The following CARS1 variants were observed in gnomAD, a reference collection of about 807,000 sequenced individuals.
The protein encoded by CARS1 is cysteinyl-tRNA synthetase 1, also known as cysteine--tRNA ligase, cytoplasmic.
A neutral mutation model predicts 106.2 loss-of-function variants in CARS1; 48 were observed. The observed-to-expected ratio is 0.45, with a 90% CI of 0.36 to 0.57. The LOEUF (loss-of-function observed/expected upper bound fraction) is 0.57, where lower values mean the gene tolerates loss of function less well. Among genes scored for constraint, CARS1 ranks in the 20% least tolerant of loss-of-function variants. CARS1 has a pLI of 0.00. For synonymous variants in CARS1, 409 were observed against 403.4 expected (o/e 1.01, Z -0.17); for missense variants, 968 against 1,057.2 (o/e 0.92, Z 1.17).
chr11:3,042,733 T>C (rs1854645337), intron 2 of CARS1, among the ~76,000 whole-genome samples: 2 of 152,328 alleles, frequency 1.3e-5, no homozygotes, highest in Non-Finnish European at 2.9e-5. Context: ...TGGTCTGTTC[T>C]GCCGCAGCCC....
At chr11:3,047,004 G>A (rs1195720579) in intron 2 of CARS1, among the ~76,000 whole-genome samples, 2 of 152,154 alleles carry the variant, frequency 1.3e-5, no homozygotes, top group African/African-American at 4.8e-5. Flanking sequence ...CCGGCCGGGC[G>A]CGGTGGTTCA....
At chr11:3,023,006 C>T (rs1851718854) in intron 10 of CARS1, among the ~76,000 whole-genome samples, 1 of 152,156 alleles carries the variant, frequency 6.6e-6, no homozygotes, top group African/African-American at 2.4e-5. Flanking sequence ...AATCCATGTC[C>T]CTCTTTGGTC....
intron 7 of CARS1, among the ~76,000 whole-genome samples, chr11:3,032,060 C>CTCCTTCCTTCCT (rs1217924867): frequency 3.6e-3 from 72 of 20,052 alleles, no homozygotes; most frequent in Non-Finnish European, 5.0e-3. Flanking sequence ...CCCTCCCTCC[C>CTCCTTCCTTCCT]TCCTTCCTTC....
chr11:3,038,046 T>C lies in CARS1; in HGVS notation c.801+4A>G. 6.2e-7 allele frequency: 1 copy of C among 1,609,950 alleles called. No homozygotes were observed. The highest frequency in any genetic ancestry group is 8.5e-7 in the Non-Finnish European group (1 of 1,176,696). On this transcript the variant is annotated splice_donor_region_variant and intron_variant, in intron 7 of 22. Coordinates refer to ENST00000380525, the MANE Select transcript of CARS1 (RefSeq NM_001014437.3). This position sits in a 1 kb window ranked among gnomAD's most constrained non-coding sequence, Gnocchi z 4.0. ...GGCTGTCTGGGAGATGTGTGAAGCCTCACCTCCACACAGCTGTTGACTTCC... is the reference window on the plus strand; with the variant it reads ...GGCTGTCTGGGAGATGTGTGAAGCCCCACCTCCACACAGCTGTTGACTTCC...
At chr11:3,015,223 C>T (rs1392408813) in intron 17 of CARS1, among the ~76,000 whole-genome samples, 1 of 152,346 alleles carries the variant, frequency 6.6e-6, no homozygotes, top group Middle Eastern at 3.4e-3. Context: ...AGGATGACCT[C>T]CCCCTGACCT....
rs1852596031 is a variant in CARS1 at position 3,030,325 on chromosome 11, C to G, written c.802-882G>C. 1.3e-5 allele frequency: 2 copies of G among 152,274 alleles called. No homozygotes were observed. The highest frequency in any genetic ancestry group is 2.9e-5 in the Non-Finnish European group (2 of 68,084). 9.4% of individuals were successfully genotyped at this position (152,274 alleles called of 1,614,324 possible). A position where few individuals can be genotyped will look rare whatever the true frequency, so the allele number is the denominator to read the frequency against. ...ACGTGGGCCAGGTTCCTGATGCAAT[C>G]CCTGCCTACAGCTCCTGAATCAAAC... On this transcript the variant is annotated intron_variant, in intron 7 of 22. Transcript: ENST00000380525. The surrounding 1 kb of genome is among the most constrained non-coding windows in gnomAD (Gnocchi z 5.7).
chr11:3,040,680 A>T lies in CARS1; in HGVS notation c.455+216T>A. The stretch of plus-strand genomic sequence containing the variant: ...GGCTATGGACATTTTCTTTTTGGTG[A>T]TCTGTAGTCTTTCTGCAGTGAATAT... On this transcript the variant is annotated intron_variant, in intron 4 of 22. Transcript: ENST00000380525. This position sits in a 1 kb window ranked among gnomAD's most constrained non-coding sequence, Gnocchi z 5.8. 1.4e-6 allele frequency: 1 copy of T among 694,944 alleles called. No homozygotes were observed. The highest frequency in any genetic ancestry group is 2.6e-6 in the Non-Finnish European group (1 of 383,944). 43.0% of individuals were successfully genotyped at this position (694,944 alleles called of 1,614,324 possible).
chr11:3,026,864 A>G, intron 9 of CARS1, 67 bp from the exon 10 acceptor site: 2 of 1,556,488 alleles, frequency 1.3e-6, no homozygotes, highest in East Asian at 2.3e-5. Context: ...GCAGGATGAC[A>G]GTAACAAAAT....
Position 3,026,709 on chromosome 11 carries a change from C to A in CARS1, c.1120G>T (p.Val374Phe), listed in dbSNP as rs563288369. The A allele has an allele frequency of 1.2e-6, 2 of 1,613,992 alleles. No homozygotes were observed. The highest frequency in any genetic ancestry group is 2.2e-5 in the East Asian group (1 of 44,878). ...HSYGKLVPEAVGDQKALQEGE... is the reference protein window; with the variant it reads ...HSYGKLVPEAFGDQKALQEGE... ...TCTTGAAGGGCTTTCTGATCTCCAA[C>A]GGCCTCAGGCACCAGCTTCCCATAG... is the stretch of plus-strand genomic sequence containing the variant. Residue 374 changes from valine to phenylalanine, a missense_variant, in exon 10 of 23, where the codon GTT (valine) becomes TTT (phenylalanine). Transcript: ENST00000380525.
chr11:3,012,797 C>T (rs1850607791), intron 17 of CARS1, among the ~76,000 whole-genome samples: 1 of 151,926 alleles, frequency 6.6e-6, no homozygotes, highest in East Asian at 1.9e-4. Flanking sequence ...TATCTACATG[C>T]ACATTAGCAG....
In CARS1 at chr11:3,017,794, A is replaced by G; in HGVS notation, c.1727+63T>C. 1 of 1,081,718 alleles carries G rather than the reference A, an allele frequency of 9.2e-7. No individual in the cohort carries two copies. The highest frequency in any genetic ancestry group is 1.4e-6 in the Non-Finnish European group (1 of 698,592). 67.0% of individuals were successfully genotyped at this position (1,081,718 alleles called of 1,614,324 possible). A position where few individuals can be genotyped will look rare whatever the true frequency, so the allele number is the denominator to read the frequency against. ...CAGTCCAGGACACATGGTGGCCAAG[A>G]TGCGAGGCTAGGCATAGAACATGGG... On this transcript the variant is annotated intron_variant, in intron 15 of 22. Transcript: ENST00000380525. This position sits in a 1 kb window ranked among gnomAD's most constrained non-coding sequence, Gnocchi z 4.9.
At position 3,039,560 on chromosome 11, in the gene CARS1, C is replaced by T. The variant is rs982923290; in HGVS notation, c.553-268G>A. On this transcript the variant is annotated intron_variant, in intron 5 of 22. Transcript: ENST00000380525. The surrounding 1 kb of genome is among the most constrained non-coding windows in gnomAD (Gnocchi z 5.6). ...CCAGCTTCCCCTGCAAGCCACATGT[C>T]GAAGTGCGTGCTGTGGGAGGCCTTC... Among the ~76,000 whole-genome samples the T allele has an allele frequency of 9.9e-5, 15 of 152,220 alleles. No individual in the cohort carries two copies. The highest frequency in any genetic ancestry group is 3.3e-4 in the Admixed American group (5 of 15,286).
At position 3,052,071 on chromosome 11, in the gene CARS1, T is replaced by G. The variant is rs1484688677; in HGVS notation, c.26-4070A>C. On this transcript the variant is annotated intron_variant, in intron 1 of 22. Coordinates refer to ENST00000380525, the MANE Select transcript of CARS1 (RefSeq NM_001014437.3). The surrounding 1 kb of genome is among the most constrained non-coding windows in gnomAD (Gnocchi z 4.6). ...CCCTCTTTTTCTTCATTGCTCACAT[T>G]TTCTGCAGTAAGCATCTGCTATTTT... Among the ~76,000 whole-genome samples the G allele has an allele frequency of 6.6e-6, 1 of 152,254 alleles. No homozygotes were observed. Among genetic ancestry groups the G allele is most frequent in the Non-Finnish European group, 1.5e-5 (1 of 68,042 alleles).
chr11:3,049,969 C>T (rs1229848509), intron 1 of CARS1, among the ~76,000 whole-genome samples: 3 of 152,132 alleles, frequency 2.0e-5, no homozygotes, highest in African/African-American at 7.2e-5. Context: ...CTTCCCGGAA[C>T]GCTGTGGTGT....
At position 3,026,788 on chromosome 11, in the gene CARS1, G is replaced by C; in HGVS notation, c.1041C>G (p.Ser347=). Residue 347 remains serine (S), a synonymous_variant, in exon 10 of 23, where the codon TCC becomes TCG. Coordinates refer to ENST00000380525, the MANE Select transcript of CARS1 (RefSeq NM_001014437.3). ...CTGTATCAAAGTAGACAGACCCATT[G>C]GAGACATAGCTGGAAAACAGAAAAG... The part of the protein sequence containing the change: ...KIVDNGYGYV[S]NGSVYFDTAK... 1 of 1,611,444 alleles carries C rather than the reference G, an allele frequency of 6.2e-7. No homozygotes were observed. The highest frequency in any genetic ancestry group is 8.5e-7 in the Non-Finnish European group (1 of 1,178,702).
intron 12 of CARS1, 80 bp from the exon 13 acceptor site, chr11:3,018,829 T>C (rs915754477): frequency 2.4e-5 from 37 of 1,528,338 alleles, no homozygotes; most frequent in African/African-American, 4.1e-5. Flanking sequence ...TCTGCTGCCT[T>C]GTTGGTGCTG....
rs1175006885 is a variant in CARS1 at position 3,020,723 on chromosome 11, G to A, written c.1154-391C>T. On this transcript the variant is annotated intron_variant, in intron 10 of 22. Transcript: ENST00000380525. This position sits in a 1 kb window ranked among gnomAD's most constrained non-coding sequence, Gnocchi z 4.6. Reference sequence around the variant, plus strand: ...GTGCAGCCACTGGGGCATGGCTCAGGGATCCTGCCTGGTTCATGCGGGTGG... The same window carrying A: ...GTGCAGCCACTGGGGCATGGCTCAGAGATCCTGCCTGGTTCATGCGGGTGG... 2.6e-5 allele frequency among the ~76,000 whole-genome samples: 4 copies of A among 152,170 alleles called. No individual in the cohort carries two copies. The highest frequency in any genetic ancestry group is 4.8e-5 in the African/African-American group (2 of 41,414).
rs1565002718 is a variant in CARS1, at chr11:3,001,030, A to G, written c.*84T>C. On this transcript the variant is annotated 3_prime_UTR_variant, in exon 23 of 23. Transcript: ENST00000380525. ...TTAGGACCCAAGGGTGACTGTAAAC[A>G]TGATAGGAGCGCTGGGACATTGTCA... 4.7e-6 allele frequency: 7 copies of G among 1,490,612 alleles called. No homozygotes were observed. Among genetic ancestry groups the G allele is most frequent in the Non-Finnish European group, 6.5e-6 (7 of 1,079,488 alleles). The allele number at this position is 1,490,612 out of a possible 1,614,324, so 92.3% of individuals were successfully genotyped here. A position where few individuals can be genotyped will look rare whatever the true frequency, so the allele number is the denominator to read the frequency against.
chr11:3,005,351 T>C lies in CARS1; in HGVS notation c.2217+15A>G, dbSNP rs1304866831. On this transcript the variant is annotated intron_variant, in intron 20 of 22. Coordinates refer to ENST00000380525, the MANE Select transcript of CARS1 (RefSeq NM_001014437.3). ...TCAACAAATATCACGCTTAAGTCAT[T>C]TTCACTTTACTCACCCGTCTCTTTT... 3 of 1,592,848 alleles carry C rather than the reference T, an allele frequency of 1.9e-6. No individual in the cohort carries two copies. Among genetic ancestry groups the C allele is most frequent in the Middle Eastern group, 1.7e-4 (1 of 6,006 alleles).
Sources: gnomAD v4.1 joint callset for allele counts (sites outside exome capture counted in the v4.1 genomes callset) on GRCh38, gnomAD v4.1.1 for gene constraint, Gnocchi (gnomAD v3.1) non-coding constraint, MANE v1.5 for transcripts, NCBI Gene and HGNC (gene_info 2026-07-23, HGNC 2026-07-21) for gene names.